DNAJC15: variants seen among roughly 807,000 people sequenced by gnomAD.
The protein encoded by DNAJC15 is dnaJ homolog subfamily C member 15.
Under a neutral mutation model 22.4 loss-of-function variants are expected in DNAJC15, and 27 were observed. That is an observed-to-expected ratio of 1.20 (90% CI 0.89 to 1.66). DNAJC15 has a LOEUF of 1.66. DNAJC15 is among the 40% of genes most tolerant of loss of function. The pLI is 0.00. For missense variants in DNAJC15, 208 were observed against 187.1 expected (o/e 1.11, Z -0.65); for synonymous variants, 79 against 63.2 (o/e 1.25, Z -1.19).
chr13:43,048,237 T>C (rs998290002), intron 1 of DNAJC15, among the ~76,000 whole-genome samples: 2 of 151,682 alleles, frequency 1.3e-5, no homozygotes, highest in Admixed American at 6.6e-5. Flanking sequence ...CCCAGCACTT[T>C]GGGAGGCCAA....
At chr13:43,097,797 C>T (rs766390449) in intron 5 of DNAJC15, among the ~76,000 whole-genome samples, 2 of 151,922 alleles carry the variant, frequency 1.3e-5, no homozygotes, top group Non-Finnish European at 2.9e-5. Context: ...ATTAGCCGGG[C>T]GTGGTGGCAC....
At chr13:43,069,103 G>A in intron 3 of DNAJC15, 100 bp downstream of exon 3, 4 of 1,211,316 alleles carry the variant, frequency 3.3e-6, no homozygotes, top group Non-Finnish European at 4.6e-6. Context: ...TCCAATGTTT[G>A]TAGAAGTTTG....
chr13:43,063,210 A>G (rs1290818311), intron 1 of DNAJC15, among the ~76,000 whole-genome samples: 5 of 152,152 alleles, frequency 3.3e-5, no homozygotes, highest in African/African-American at 4.8e-5. Context: ...GGGTTTCACC[A>G]TGTTGGCAAG....
intron 5 of DNAJC15, among the ~76,000 whole-genome samples, chr13:43,106,035 C>G (rs2040795318): frequency 6.6e-6 from 1 of 152,096 alleles, no homozygotes; most frequent in Admixed American, 6.5e-5. Context: ...CCAGCATTAC[C>G]CCTTCTACCA....
At chr13:43,065,533 A>G (rs2040579375) in intron 1 of DNAJC15, among the ~76,000 whole-genome samples, 153 bp from the exon 2 acceptor site, 1 of 152,238 alleles carries the variant, frequency 6.6e-6, no homozygotes, top group Non-Finnish European at 1.5e-5. Context: ...ATATAATCCC[A>G]TAGACACTGC....
chr13:43,100,205 C>CTTTTTT (rs368386623), intron 5 of DNAJC15, among the ~76,000 whole-genome samples: 3 of 110,512 alleles, frequency 2.7e-5, no homozygotes, highest in Non-Finnish European at 3.6e-5. Flanking sequence ...TTATTGAAGT[C>CTTTTTT]TTTTTTTTTT....
intron 5 of DNAJC15, among the ~76,000 whole-genome samples, chr13:43,103,981 T>C (rs1233521806): frequency 6.6e-6 from 1 of 152,208 alleles, no homozygotes; most frequent in African/African-American, 2.4e-5. Context: ...TATATTTTTT[T>C]CTATTTCTTA....
chr13:43,100,842 T>G (rs1323991696), intron 5 of DNAJC15, among the ~76,000 whole-genome samples: 1 of 152,212 alleles, frequency 6.6e-6, no homozygotes, highest in African/African-American at 2.4e-5. Context: ...GTTCTGTTAT[T>G]GAAAGTGGGG....
chr13:43,034,373 T>G (rs2153439543), intron 1 of DNAJC15, among the ~76,000 whole-genome samples: 1 of 135,888 alleles, frequency 7.4e-6, no homozygotes, highest in Non-Finnish European at 1.5e-5. Flanking sequence ...TGGAGTGCAG[T>G]GGCGCGATCT....
At chr13:43,103,758 ATT>A (rs1158114052) in intron 5 of DNAJC15, among the ~76,000 whole-genome samples, 1 of 152,136 alleles carries the variant, frequency 6.6e-6, no homozygotes, top group Non-Finnish European at 1.5e-5. Context: ...AAAATTGTAG[ATT>A]TGTGGGTTTT....
intron 3 of DNAJC15, among the ~76,000 whole-genome samples, chr13:43,069,657 A>G (rs902270682): frequency 2.6e-5 from 4 of 152,236 alleles, no homozygotes; most frequent in African/African-American, 7.2e-5. Flanking sequence ...GAGGCCCTGC[A>G]GCGTAAACAT....
chr13:43,069,563 AAATG>A (rs2040599321), intron 3 of DNAJC15, among the ~76,000 whole-genome samples: 1 of 152,226 alleles, frequency 6.6e-6, no homozygotes, highest in African/African-American at 2.4e-5. Flanking sequence ...GTAAGTGAAA[AAATG>A]AATGAGAGTA....
In DNAJC15 at chr13:43,109,866, A is replaced by G. The variant is rs2040816361; in HGVS notation, c.*2618A>G. On this transcript the variant is annotated 3_prime_UTR_variant, in exon 6 of 6. Coordinates refer to ENST00000379221, the MANE Select transcript of DNAJC15 (RefSeq NM_013238.3). ...CTAGAACTTAAAGTATAATAAAAAG[A>G]AATTTTAAAAAATCCTGTCAAATAA... 1.1e-5 allele frequency: 1 copy of G among 93,430 alleles called. No individual in the cohort carries two copies. The highest frequency in any genetic ancestry group is 9.9e-5 in the Admixed American group (1 of 10,126). The allele number at this position is 93,430 out of a possible 1,614,324, so 5.8% of individuals were successfully genotyped here. A position where few individuals can be genotyped will look rare whatever the true frequency, so the allele number is the denominator to read the frequency against.
chr13:43,074,846 A>G (rs1400307256), intron 3 of DNAJC15, among the ~76,000 whole-genome samples: 1 of 151,780 alleles, frequency 6.6e-6, no homozygotes, highest in Non-Finnish European at 1.5e-5. Context: ...GCACAGGTCC[A>G]CTTAATCATG....
At chr13:43,032,845 A>C (rs1459588785) in intron 1 of DNAJC15, among the ~76,000 whole-genome samples, 1 of 151,976 alleles carries the variant, frequency 6.6e-6, no homozygotes, top group Non-Finnish European at 1.5e-5. Context: ...AAAAGAAGTA[A>C]GTACTGTTAG....
intron 1 of DNAJC15, among the ~76,000 whole-genome samples, chr13:43,052,359 A>G (rs1224060082): frequency 6.6e-6 from 1 of 151,898 alleles, no homozygotes; most frequent in Non-Finnish European, 1.5e-5. Context: ...AGTGATGTTG[A>G]GCCATATGTT....
intron 1 of DNAJC15, among the ~76,000 whole-genome samples, chr13:43,031,958 A>C (rs767404095): frequency 1.3e-5 from 2 of 152,274 alleles, no homozygotes; most frequent in Non-Finnish European, 2.9e-5. Flanking sequence ...AAATGAAACT[A>C]GGATGGTGAA....
chr13:43,079,094 T>C (rs2040649577), intron 4 of DNAJC15, among the ~76,000 whole-genome samples: 4 of 152,230 alleles, frequency 2.6e-5, no homozygotes, highest in Admixed American at 2.0e-4. Flanking sequence ...GCATATTTAT[T>C]GTGCTTGTTT....
At chr13:43,096,055 G>A (rs1031256074) in intron 5 of DNAJC15, among the ~76,000 whole-genome samples, 1 of 151,978 alleles carries the variant, frequency 6.6e-6, no homozygotes, top group African/African-American at 2.4e-5. Context: ...AGCTTGTTGA[G>A]TAATTTTTAG....
Sources: allele counts gnomAD v4.1 joint callset (sites outside exome capture counted in the v4.1 genomes callset), GRCh38; gene constraint gnomAD v4.1.1; transcripts MANE v1.5; gene names NCBI Gene and HGNC (gene_info 2026-07-23, HGNC 2026-07-21).